CREB5: variants seen among roughly 807,000 people sequenced by gnomAD.
The protein encoded by CREB5 is cAMP responsive element binding protein 5.
CREB5 carries 19 observed loss-of-function variants against 57.1 expected under a neutral mutation model. That is an observed-to-expected ratio of 0.33 (90% CI 0.23 to 0.49). CREB5 has a LOEUF of 0.49. Ranked by LOEUF, CREB5 falls within the 20% of genes least tolerant of loss-of-function variation. The pLI, the probability that CREB5 is intolerant of heterozygous loss-of-function variation, is 0.99. For synonymous variants in CREB5, 238 were observed against 238.3 expected (o/e 1.00, Z 0.01); for missense variants, 579 against 671.6 (o/e 0.86, Z 1.52).
At chr7:28,560,949 T>TGCGC (rs1210698880) in intron 4 of CREB5, among the ~76,000 whole-genome samples, 550 of 34,722 alleles carry the variant, frequency 0.016, 42 homozygotes, top group Middle Eastern at 0.052. Flanking sequence ...TGCGTGTGTG[T>TGCGC]GCGTGTGTGT....
intron 5 of CREB5, among the ~76,000 whole-genome samples, chr7:28,621,624 C>A (rs535688385): frequency 6.6e-6 from 1 of 152,112 alleles, no homozygotes; most frequent in Non-Finnish European, 1.5e-5. Context: ...AGATAGAATT[C>A]AACCCCGTTC....
At chr7:28,812,049 T>C (rs975612404) in intron 9 of CREB5, among the ~76,000 whole-genome samples, 3 of 152,222 alleles carry the variant, frequency 2.0e-5, no homozygotes, top group Non-Finnish European at 4.4e-5. Context: ...ACCCACTATA[T>C]GTCAGGAGCA....
At chr7:28,390,151 CTT>C (rs367911197) in intron 1 of CREB5, among the ~76,000 whole-genome samples, 288 of 151,296 alleles carry the variant, frequency 1.9e-3, no homozygotes, top group African/African-American at 6.6e-3. Context: ...GCTTATTTGT[CTT>C]TTGTATTATT....
chr7:28,505,626 G>A (rs116830214), intron 3 of CREB5, among the ~76,000 whole-genome samples: 5 of 152,180 alleles, frequency 3.3e-5, no homozygotes, highest in African/African-American at 1.2e-4. Flanking sequence ...GGAGGGCAAA[G>A]CATTGAATTT....
At chr7:28,480,974 TA>T (rs1221093481) in intron 1 of CREB5, among the ~76,000 whole-genome samples, 1 of 151,738 alleles carries the variant, frequency 6.6e-6, no homozygotes, top group African/African-American at 2.4e-5. Flanking sequence ...ATGGAAAATT[TA>T]AAAAAAAGAA....
At chr7:28,420,547 C>T (rs1255255190) in intron 1 of CREB5, among the ~76,000 whole-genome samples, 9 of 152,160 alleles carry the variant, frequency 5.9e-5, no homozygotes, top group Non-Finnish European at 1.3e-4. Context: ...TGGCTCATGC[C>T]TGTAATCCCA....
chr7:28,807,929 A>G lies in CREB5; in HGVS notation c.1027-1258A>G, dbSNP rs187765343. Among the ~76,000 whole-genome samples the G allele has an allele frequency of 4.6e-3, 706 of 152,346 alleles. 3 individuals are homozygous for G. The highest frequency in any genetic ancestry group is 0.016 in the African/African-American group (651 of 41,568). ...AAGGTGCTGTGTGTCTGCCTTATGA[A>G]TAGAAATAAAGCTCTATGTGTGGGG... On this transcript the variant is annotated intron_variant, in intron 8 of 10. Transcript: ENST00000357727.
At chr7:28,689,804 G>T (rs916589692) in intron 5 of CREB5, among the ~76,000 whole-genome samples, 1 of 152,084 alleles carries the variant, frequency 6.6e-6, no homozygotes, top group Non-Finnish European at 1.5e-5. Context: ...AAGCACAAAA[G>T]CCTGTGTCTG....
intron 7 of CREB5, among the ~76,000 whole-genome samples, chr7:28,730,465 A>G (rs1803556490): frequency 6.6e-6 from 1 of 152,064 alleles, no homozygotes; most frequent in African/African-American, 2.4e-5. Flanking sequence ...GATTACAGGC[A>G]TGAGCCACCA....
At chr7:28,524,271 G>C (rs1793329418) in intron 4 of CREB5, among the ~76,000 whole-genome samples, 1 of 150,546 alleles carries the variant, frequency 6.6e-6, no homozygotes. Flanking sequence ...GAGGTCAGAA[G>C]TTCAAGACTA....
intron 7 of CREB5, among the ~76,000 whole-genome samples, chr7:28,736,818 CTCTCTCT>C (rs1003162668): frequency 2.9e-5 from 3 of 104,588 alleles, no homozygotes; most frequent in African/African-American, 9.6e-5. Flanking sequence ...GGCTCTCTCT[CTCTCTCT>C]TTTTTTTTTT....
chr7:28,332,209 G>A (rs749491904), intron 1 of CREB5, among the ~76,000 whole-genome samples: 6 of 152,206 alleles, frequency 3.9e-5, no homozygotes, highest in Non-Finnish European at 8.8e-5. Context: ...GAAACTGGAA[G>A]CGATTCTCCC....
At chr7:28,808,788 T>C (rs979835607) in intron 8 of CREB5, among the ~76,000 whole-genome samples, 5 of 132,044 alleles carry the variant, frequency 3.8e-5, no homozygotes, top group African/African-American at 1.4e-4. Flanking sequence ...CTCAAACTCC[T>C]GGCCTCAAGT....
At chr7:28,402,701 G>T (rs545979597) in intron 1 of CREB5, among the ~76,000 whole-genome samples, 11 of 152,224 alleles carry the variant, frequency 7.2e-5, no homozygotes, top group African/African-American at 2.6e-4. Context: ...TTAAATGTTA[G>T]GCCTAAAACC....
chr7:28,359,175 GAAAC>G (rs144469051), intron 1 of CREB5, among the ~76,000 whole-genome samples: 9,693 of 140,118 alleles, frequency 0.069, 348 homozygotes, highest in East Asian at 0.16. Flanking sequence ...AACCCAAAAC[GAAAC>G]AAACAAACAA....
chr7:28,398,663 T>A (rs1787386071), intron 1 of CREB5, among the ~76,000 whole-genome samples: 1 of 152,134 alleles, frequency 6.6e-6, no homozygotes, highest in South Asian at 2.1e-4. Flanking sequence ...CTCTTGAAAT[T>A]AAAGTAAATT....
At chr7:28,323,944 T>C (rs973391241) in intron 1 of CREB5, among the ~76,000 whole-genome samples, 1 of 152,004 alleles carries the variant, frequency 6.6e-6, no homozygotes, top group East Asian at 1.9e-4. Flanking sequence ...GCAACCTAGA[T>C]CCCTCACATA....
At chr7:28,637,927 A>T (rs1032952448) in intron 5 of CREB5, among the ~76,000 whole-genome samples, 1 of 152,212 alleles carries the variant, frequency 6.6e-6, no homozygotes, top group East Asian at 1.9e-4. Context: ...AGGAATTCAG[A>T]CAGCTCAGTG....
chr7:28,743,847 T>C (rs1283590567), intron 7 of CREB5, among the ~76,000 whole-genome samples: 2 of 143,426 alleles, frequency 1.4e-5, no homozygotes, highest in Non-Finnish European at 3.0e-5. Flanking sequence ...TCTTTTTTTT[T>C]TTTTTTTTTT....
Sources: allele counts gnomAD v4.1 joint callset (sites outside exome capture counted in the v4.1 genomes callset), GRCh38; gene constraint gnomAD v4.1.1; transcripts MANE v1.5; gene names NCBI Gene and HGNC (gene_info 2026-07-23, HGNC 2026-07-21).